NALF1: variants seen among roughly 807,000 people sequenced by gnomAD.
NALF1 encodes the protein NALCN channel auxiliary factor 1.
A neutral mutation model predicts 48.4 loss-of-function variants in NALF1; 3 were observed. The observed-to-expected ratio is 0.06, with a 90% CI of 0.03 to 0.16. The LOEUF is 0.16. NALF1 is among the 10% of genes least tolerant of loss of function. NALF1 has a pLI of 1.00. For synonymous variants in NALF1, 262 were observed against 245.7 expected, an observed-to-expected ratio of 1.07 and a Z score of -0.62; for missense variants, 526 against 571.5, an observed-to-expected ratio of 0.92 and a Z score of 0.81.
At chr13:107,319,442 G>A (rs1882212337) in intron 1 of NALF1, among the ~76,000 whole-genome samples, 1 of 151,964 alleles carries the variant, frequency 6.6e-6, no homozygotes, top group Admixed American at 6.6e-5. Context: ...TGACAGCCAA[G>A]AACACCACTG....
At chr13:107,560,857 A>T (rs1361106174) in intron 1 of NALF1, among the ~76,000 whole-genome samples, 1 of 152,240 alleles carries the variant, frequency 6.6e-6, no homozygotes, top group African/African-American at 2.4e-5. Context: ...TGTACAGGAT[A>T]ATCTCTTCAC....
chr13:107,339,165 C>T (rs985591109), intron 1 of NALF1, among the ~76,000 whole-genome samples: 6 of 150,032 alleles, frequency 4.0e-5, no homozygotes, highest in African/African-American at 1.5e-4. Context: ...AAAGTTACAG[C>T]TTGAACTCAA....
At chr13:107,767,512 A>G (rs1364402216) in intron 1 of NALF1, among the ~76,000 whole-genome samples, 1 of 152,236 alleles carries the variant, frequency 6.6e-6, no homozygotes, top group Non-Finnish European at 1.5e-5. Context: ...TTTAGGTCAC[A>G]GGTCTACATG....
At chr13:107,645,694 A>AAAT (rs1880298180) in intron 1 of NALF1, among the ~76,000 whole-genome samples, 2 of 151,666 alleles carry the variant, frequency 1.3e-5, no homozygotes, top group African/African-American at 4.9e-5. Flanking sequence ...AAAAAAAAAA[A>AAAT]AAAAAAAAAA....
At chr13:107,479,143 G>C (rs1008693313) in intron 1 of NALF1, among the ~76,000 whole-genome samples, 13 of 152,104 alleles carry the variant, frequency 8.5e-5, no homozygotes, top group Admixed American at 4.6e-4. Context: ...AACCAGATGA[G>C]AGGCAGCTGC....
At position 107,443,177 on chromosome 13, in the gene NALF1, T is replaced by A. The variant is rs61965879; in HGVS notation, c.916-232422A>T. Among the ~76,000 whole-genome samples the A allele has an allele frequency of 8.0e-3, 988 of 123,394 alleles. 11 individuals carry two copies. The highest frequency in any genetic ancestry group is 0.01 in the Non-Finnish European group (607 of 59,104). The allele number at this position is 123,394 out of a possible 152,430, so 81.0% of individuals were successfully genotyped here. Reference sequence around the variant, plus strand: ...TTATTTATTTATCTAACAATCTATCTATCTATCTATCTATCTATCTATCTA... The same window carrying A: ...TTATTTATTTATCTAACAATCTATCAATCTATCTATCTATCTATCTATCTA... On this transcript the variant is annotated intron_variant, in intron 1 of 2. Transcript: ENST00000375915.
chr13:107,674,156 T>TAA (rs74464898), intron 1 of NALF1, among the ~76,000 whole-genome samples: 26 of 141,464 alleles, frequency 1.8e-4, no homozygotes, highest in Middle Eastern at 3.6e-3. Flanking sequence ...ATGGAAAGGT[T>TAA]AAAAAAAAAA....
intron 1 of NALF1, among the ~76,000 whole-genome samples, chr13:107,262,494 A>G (rs1880948192): frequency 6.6e-6 from 1 of 152,190 alleles, no homozygotes; most frequent in Admixed American, 6.6e-5. Flanking sequence ...CTATACATCA[A>G]ACCAAAACAA....
intron 1 of NALF1, among the ~76,000 whole-genome samples, chr13:107,849,870 G>T (rs1473465469): frequency 6.6e-6 from 1 of 152,038 alleles, no homozygotes; most frequent in African/African-American, 2.4e-5. Flanking sequence ...AATCTAACAG[G>T]AGAAACAAAG....
chr13:107,522,607 C>T (rs1309179934), intron 1 of NALF1, among the ~76,000 whole-genome samples: 1 of 148,530 alleles, frequency 6.7e-6, no homozygotes, highest in Non-Finnish European at 1.5e-5. Context: ...TTGAAATATC[C>T]AGATTTTTTT....
rs537373301 is a variant in NALF1, at chr13:107,455,454, T to G, written c.916-244699A>C. On this transcript the variant is annotated intron_variant, in intron 1 of 2. Coordinates refer to ENST00000375915, the MANE Select transcript of NALF1 (RefSeq NM_001080396.3). ...CCTATATATCCTGTGACCACACCCA[T>G]GTACAACCACCCTGCCTCTATCTGC... Among the ~76,000 whole-genome samples the G allele has an allele frequency of 2.6e-5, 4 of 152,320 alleles. No homozygotes were observed. The East Asian group carries it at 7.7e-4, about 29-fold the overall frequency.
chr13:107,777,103 C>G (rs1322411694), intron 1 of NALF1, among the ~76,000 whole-genome samples: 6 of 151,980 alleles, frequency 3.9e-5, no homozygotes, highest in Admixed American at 3.3e-4. Context: ...AACAAACGAA[C>G]GAACAAAAAA....
At chr13:107,819,843 T>A (rs1053890372) in intron 1 of NALF1, among the ~76,000 whole-genome samples, 1 of 152,054 alleles carries the variant, frequency 6.6e-6, no homozygotes, top group African/African-American at 2.4e-5. Flanking sequence ...TATTTTATAA[T>A]CTGTACCTTG....
At chr13:107,461,903 C>A (rs1437063473) in intron 1 of NALF1, among the ~76,000 whole-genome samples, 1 of 152,104 alleles carries the variant, frequency 6.6e-6, no homozygotes, top group Non-Finnish European at 1.5e-5. Context: ...GGCTCTTTTC[C>A]CAGCTTTTGC....
At chr13:107,278,803 T>C (rs1881330405) in intron 1 of NALF1, among the ~76,000 whole-genome samples, 1 of 152,206 alleles carries the variant, frequency 6.6e-6, no homozygotes, top group South Asian at 2.1e-4. Context: ...AAGAAGATCA[T>C]TAGCTTTTAA....
At chr13:107,224,342 T>G (rs1368964405) in intron 1 of NALF1, among the ~76,000 whole-genome samples, 1 of 151,232 alleles carries the variant, frequency 6.6e-6, no homozygotes, top group Non-Finnish European at 1.5e-5. Context: ...ATTTTCTGTC[T>G]TGAGAATGCA....
intron 1 of NALF1, among the ~76,000 whole-genome samples, chr13:107,358,730 A>T (rs1883007674): frequency 6.6e-6 from 1 of 152,190 alleles, no homozygotes; most frequent in South Asian, 2.1e-4. Context: ...AGTGGATCTT[A>T]TCAACATTCT....
intron 2 of NALF1, among the ~76,000 whole-genome samples, chr13:107,208,698 T>C (rs934731764): frequency 6.6e-6 from 1 of 152,094 alleles, no homozygotes; most frequent in Non-Finnish European, 1.5e-5. Context: ...AGACACCTCA[T>C]TGTCCCACAA....
intron 1 of NALF1, among the ~76,000 whole-genome samples, chr13:107,412,822 G>A (rs550319390): frequency 4.6e-5 from 7 of 152,322 alleles, no homozygotes; most frequent in East Asian, 3.9e-4. Flanking sequence ...GACACTTGGC[G>A]TAATAAAGTT....
Sources: gnomAD v4.1 joint callset for allele counts (sites outside exome capture counted in the v4.1 genomes callset) on GRCh38, gnomAD v4.1.1 for gene constraint, MANE v1.5 for transcripts, NCBI Gene and HGNC (gene_info 2026-07-23, HGNC 2026-07-21) for gene names.